Variants in PALM2AKAP2 observed in about 807,000 individuals in gnomAD.
The protein encoded by PALM2AKAP2 is PALM2 and AKAP2 fusion.
Under a neutral mutation model 71.5 loss-of-function variants are expected in PALM2AKAP2, and 37 were observed. That is an observed-to-expected ratio of 0.52 (90% CI 0.40 to 0.68). PALM2AKAP2 has a LOEUF of 0.68. Ranked by LOEUF, PALM2AKAP2 falls within the 30% of genes least tolerant of loss-of-function variation. PALM2AKAP2 has a pLI of 0.00. For missense variants in PALM2AKAP2, 1,224 were observed against 1,191.8 expected (o/e 1.03, Z -0.40); for synonymous variants, 468 against 478.8 (o/e 0.98, Z 0.29).
intron 6 of PALM2AKAP2, among the ~76,000 whole-genome samples, chr9:109,975,503 G>A (rs1177221601): frequency 6.6e-6 from 1 of 152,178 alleles, no homozygotes; most frequent in African/African-American, 2.4e-5. Flanking sequence ...CACCTTCACA[G>A]ACATACCAAG....
chr9:110,149,103 G>A (rs898526591), intron 2 of PALM2AKAP2, among the ~76,000 whole-genome samples: 2 of 152,172 alleles, frequency 1.3e-5, no homozygotes, highest in Non-Finnish European at 2.9e-5. Flanking sequence ...GCACAGCCAA[G>A]GCATGGCTTG....
chr9:109,880,788 G>T (rs1157056346), intron 3 of PALM2AKAP2, 107 bp downstream of exon 3: 36 of 1,416,142 alleles, frequency 2.5e-5, no homozygotes, highest in Non-Finnish European at 3.0e-5. Flanking sequence ...TCCTGTACTT[G>T]AGAATTTTCT....
At chr9:110,095,312 A>G (rs946642292) in intron 1 of PALM2AKAP2, among the ~76,000 whole-genome samples, 1 of 152,174 alleles carries the variant, frequency 6.6e-6, no homozygotes, top group Non-Finnish European at 1.5e-5. Flanking sequence ...TCCTGAATAT[A>G]TGATGCAGGA....
rs529294567 is a variant in PALM2AKAP2, at chr9:110,125,712, C to A, written c.157-10415C>A. ...GGAGGTTTTCTGAGTGTGTCATGTGCTGTGGAGTCCTTTCTTGCTGGAGAG... is the reference window on the plus strand; with the variant it reads ...GGAGGTTTTCTGAGTGTGTCATGTGATGTGGAGTCCTTTCTTGCTGGAGAG... On this transcript the variant is annotated intron_variant, in intron 1 of 3. Coordinates refer to ENST00000374525, the Ensembl canonical transcript of PALM2AKAP2. The A allele has an allele frequency of 4.2e-4, 221 of 528,144 alleles. 1 individual carries two copies. The African/African-American group carries it at 4.4e-3, about 10-fold the overall frequency. 32.7% of individuals were successfully genotyped at this position (528,144 alleles called of 1,614,324 possible). A position where few individuals can be genotyped will look rare whatever the true frequency, so the allele number is the denominator to read the frequency against.
At chr9:109,698,505 C>T (rs1044022813) in intron 1 of PALM2AKAP2, among the ~76,000 whole-genome samples, 2 of 152,166 alleles carry the variant, frequency 1.3e-5, no homozygotes, top group Admixed American at 1.3e-4. Flanking sequence ...TCTTGAACCC[C>T]TGACCTCAAG....
At chr9:109,839,322 A>G (rs966730924) in intron 1 of PALM2AKAP2, among the ~76,000 whole-genome samples, 2 of 152,236 alleles carry the variant, frequency 1.3e-5, no homozygotes, top group African/African-American at 4.8e-5. Context: ...AAGGCCTTTG[A>G]CAAAATTCAA....
chr9:109,797,444 A>G (rs1827292990), intron 1 of PALM2AKAP2, among the ~76,000 whole-genome samples: 1 of 152,242 alleles, frequency 6.6e-6, no homozygotes, highest in Non-Finnish European at 1.5e-5. Flanking sequence ...CATGGAAAGC[A>G]TCCACAAATT....
At chr9:110,156,367 C>G in exon 3 of PALM2AKAP2, 1 of 1,610,492 alleles carries the variant, frequency 6.2e-7, no homozygotes, top group Non-Finnish European at 8.5e-7. Flanking sequence ...ACTGAAGGCC[C>G]CAGCTTGCAG....
At chr9:109,749,552 G>GAAA (rs11424372) in intron 1 of PALM2AKAP2, among the ~76,000 whole-genome samples, 89 of 144,170 alleles carry the variant, frequency 6.2e-4, no homozygotes, top group African/African-American at 2.1e-3. Context: ...TCATAGGTTA[G>GAAA]AAAAAAAAAA....
chr9:110,155,911 C>A (rs1247027995), intron 2 of PALM2AKAP2, among the ~76,000 whole-genome samples: 1 of 152,186 alleles, frequency 6.6e-6, no homozygotes, highest in Non-Finnish European at 1.5e-5. Flanking sequence ...GTACAGCCTT[C>A]CCTTGGCAGA....
chr9:109,929,393 C>T (rs541846235), intron 5 of PALM2AKAP2, among the ~76,000 whole-genome samples: 1 of 152,246 alleles, frequency 6.6e-6, no homozygotes, highest in South Asian at 2.1e-4. Context: ...AACTGACCCT[C>T]TAGTCCTAGA....
chr9:110,019,940 A>G (rs894954977), intron 7 of PALM2AKAP2, among the ~76,000 whole-genome samples: 24 of 152,206 alleles, frequency 1.6e-4, no homozygotes, highest in African/African-American at 5.8e-4. Context: ...TGAATCTATA[A>G]TAAAAAAATT....
At position 110,117,145 on chromosome 9, in the gene PALM2AKAP2, G is replaced by C. The variant is rs981848559; in HGVS notation, c.157-18982G>C. Among the ~76,000 whole-genome samples, 4 of 151,976 alleles carry C rather than the reference G, an allele frequency of 2.6e-5. No individual in the cohort carries two copies. The South Asian group carries it at 8.3e-4, about 32-fold the overall frequency. The stretch of plus-strand genomic sequence containing the variant: ...CTTGTTTGTTTGCCTTTTGAGACAG[G>C]GTCTCATTCTGTTGCCCAGACTGGA... On this transcript the variant is annotated intron_variant, in intron 1 of 3. Transcript: ENST00000374525.
At chr9:109,761,812 T>C (rs1487271736) in intron 1 of PALM2AKAP2, among the ~76,000 whole-genome samples, 7 of 152,246 alleles carry the variant, frequency 4.6e-5, no homozygotes, top group African/African-American at 7.2e-5. Flanking sequence ...TTTGCTATTG[T>C]AAATAGTGCT....
At chr9:109,702,874 A>G (rs1172073301) in intron 1 of PALM2AKAP2, among the ~76,000 whole-genome samples, 1 of 148,932 alleles carries the variant, frequency 6.7e-6, no homozygotes, top group African/African-American at 2.5e-5. Flanking sequence ...GCTGGAGTGC[A>G]GTGCTGTGAT....
chr9:110,098,520 T>TA (rs1359586929), intron 1 of PALM2AKAP2, among the ~76,000 whole-genome samples: 1 of 152,164 alleles, frequency 6.6e-6, no homozygotes, highest in African/African-American at 2.4e-5. Flanking sequence ...GAAGCTGTTT[T>TA]AAAAAAATTA....
intron 6 of PALM2AKAP2, among the ~76,000 whole-genome samples, chr9:109,975,944 A>T (rs1411329954): frequency 6.6e-6 from 1 of 152,254 alleles, no homozygotes; most frequent in African/African-American, 2.4e-5. Flanking sequence ...AGGATAAATC[A>T]TATTTTAATA....
chr9:109,748,129 T>TA (rs1185173288), intron 1 of PALM2AKAP2, among the ~76,000 whole-genome samples: 1 of 152,260 alleles, frequency 6.6e-6, no homozygotes, highest in African/African-American at 2.4e-5. Flanking sequence ...CTAGGATACT[T>TA]AGTTGATTAA....
At chr9:109,965,621 T>C (rs551683367) in intron 6 of PALM2AKAP2, among the ~76,000 whole-genome samples, 2 of 152,216 alleles carry the variant, frequency 1.3e-5, no homozygotes, top group Admixed American at 1.3e-4. Context: ...GAATTTCAGT[T>C]TGGGATGATG....
Sources: gnomAD v4.1 joint callset for allele counts (sites outside exome capture counted in the v4.1 genomes callset) on GRCh38, gnomAD v4.1.1 for gene constraint, MANE v1.5 for transcripts, NCBI Gene and HGNC (gene_info 2026-07-23, HGNC 2026-07-21) for gene names.